MYO16: variants seen among roughly 807,000 people sequenced by gnomAD.
MYO16 encodes unconventional myosin-XVI.
In MYO16, 94 loss-of-function variants were observed where a neutral mutation model predicts 205.3. The observed-to-expected ratio is 0.46, with a 90% CI of 0.39 to 0.54. The LOEUF is 0.54. Ranked by LOEUF, MYO16 falls within the 20% of genes least tolerant of loss-of-function variation. The pLI is 0.00. For synonymous variants in MYO16, 988 were observed against 954.0 expected, an observed-to-expected ratio of 1.04 and a Z score of -0.66; for missense variants, 2,315 against 2,387.5, an observed-to-expected ratio of 0.97 and a Z score of 0.63.
intron 1 of MYO16, among the ~76,000 whole-genome samples, chr13:108,650,090 G>A (rs1880931998): frequency 6.6e-6 from 1 of 151,834 alleles, no homozygotes; most frequent in Non-Finnish European, 1.5e-5. Context: ...TACTGAAAAT[G>A]TTTTATATCA....
chr13:108,706,298 A>T (rs191035085), intron 2 of MYO16, among the ~76,000 whole-genome samples: 27 of 152,298 alleles, frequency 1.8e-4, no homozygotes, highest in East Asian at 1.9e-4. Flanking sequence ...GTGGCAGGGC[A>T]GTAGAAAATA....
At chr13:108,966,694 G>A (rs961964129) in intron 20 of MYO16, among the ~76,000 whole-genome samples, 4 of 152,068 alleles carry the variant, frequency 2.6e-5, no homozygotes, top group Admixed American at 6.5e-5. Context: ...CATTTCTGTC[G>A]TAACTCCCAT....
chr13:109,115,544 A>G (rs1566513420), intron 28 of MYO16, among the ~76,000 whole-genome samples: 1 of 152,196 alleles, frequency 6.6e-6, no homozygotes, highest in Admixed American at 6.5e-5. Context: ...CTAGTGAGAA[A>G]CATTCTTTGA....
the MYO16 span, among the ~76,000 whole-genome samples, chr13:108,559,362 C>T: frequency 2.0e-5 from 3 of 152,156 alleles, no homozygotes; most frequent in African/African-American, 4.8e-5. Flanking sequence ...AGGGCATGCC[C>T]TGCCAACACC....
At chr13:109,037,796 G>A (rs1197097916) in intron 23 of MYO16, among the ~76,000 whole-genome samples, 1 of 152,120 alleles carries the variant, frequency 6.6e-6, no homozygotes, top group Non-Finnish European at 1.5e-5. Flanking sequence ...GGTTATCCAG[G>A]CCCTGGGGCT....
chr13:108,745,019 A>T lies in MYO16; in HGVS notation c.507+17436A>T, dbSNP rs147955830. On this transcript the variant is annotated intron_variant, in intron 4 of 34. Coordinates refer to ENST00000457511, the MANE Select transcript of MYO16 (RefSeq NM_001198950.3). The stretch of plus-strand genomic sequence containing the variant: ...GACAAGCAATAAAGTGTCACTGAAA[A>T]AAATAAATCTGTAAGATTTCTAATT... 2.3e-4 allele frequency among the ~76,000 whole-genome samples: 35 copies of T among 152,346 alleles called. No homozygotes were observed. In the East Asian group the frequency reaches 6.7e-3, roughly 29 times the overall value.
At chr13:109,024,312 A>G (rs572184415) in intron 23 of MYO16, among the ~76,000 whole-genome samples, 1 of 152,044 alleles carries the variant, frequency 6.6e-6, no homozygotes, top group East Asian at 1.9e-4. Flanking sequence ...TACTTTTCCT[A>G]AGGTTTCATG....
intron 20 of MYO16, among the ~76,000 whole-genome samples, chr13:108,973,135 A>G (rs1344698241): frequency 6.6e-6 from 1 of 151,988 alleles, no homozygotes; most frequent in Non-Finnish European, 1.5e-5. Context: ...TTCCCATTCC[A>G]GTATCTGTCT....
chr13:108,932,962 G>C (rs148991757), intron 16 of MYO16, among the ~76,000 whole-genome samples: 68 of 152,036 alleles, frequency 4.5e-4, no homozygotes, highest in South Asian at 8.3e-4. Flanking sequence ...TGAATTCCAC[G>C]GTAGAGATAC....
intron 3 of MYO16, among the ~76,000 whole-genome samples, chr13:108,718,692 TA>T (rs1884044415): frequency 6.6e-6 from 1 of 152,054 alleles, no homozygotes; most frequent in African/African-American, 2.4e-5. Context: ...ACTCTTCACA[TA>T]ACCCCAGGGG....
intron 11 of MYO16, among the ~76,000 whole-genome samples, chr13:108,860,181 T>C (rs557844986): frequency 6.8e-6 from 1 of 146,360 alleles, no homozygotes; most frequent in East Asian, 3.0e-4. Flanking sequence ...CTTGGCCAAG[T>C]AGGCCCTGGT....
chr13:108,654,426 G>C (rs1158522793), intron 1 of MYO16, among the ~76,000 whole-genome samples: 2 of 152,140 alleles, frequency 1.3e-5, no homozygotes, highest in African/African-American at 4.8e-5. Flanking sequence ...AGTGCCTTTT[G>C]CCTTCCGCCA....
chr13:108,677,338 T>TATATATATATGC (rs1566544859), intron 2 of MYO16, among the ~76,000 whole-genome samples: 3 of 86,864 alleles, frequency 3.5e-5, no homozygotes, highest in East Asian at 4.7e-4. Flanking sequence ...TGTGTGTGTA[T>TATATATATATGC]ATATATATAT....
At chr13:108,597,420 T>G (rs1197463575) in intron 1 of MYO16, among the ~76,000 whole-genome samples, 1 of 152,190 alleles carries the variant, frequency 6.6e-6, no homozygotes, top group East Asian at 1.9e-4. Context: ...TCTGAAATTT[T>G]TTTTAGATGT....
At chr13:108,718,815 T>G (rs1174135013) in intron 3 of MYO16, among the ~76,000 whole-genome samples, 1 of 152,142 alleles carries the variant, frequency 6.6e-6, no homozygotes, top group African/African-American at 2.4e-5. Flanking sequence ...GTTCAGAATT[T>G]TAGATCATTA....
At chr13:108,752,808 A>ATCTTTTTTTTTT (rs751233713) in intron 4 of MYO16, among the ~76,000 whole-genome samples, 2 of 90,588 alleles carry the variant, frequency 2.2e-5, no homozygotes. Flanking sequence ...TGCCCAGCTA[A>ATCTTTTTTTTTT]TTTTTTTTTT....
At chr13:109,145,735 G>A (rs1877300380) in intron 32 of MYO16, among the ~76,000 whole-genome samples, 1 of 152,174 alleles carries the variant, frequency 6.6e-6, no homozygotes, top group Non-Finnish European at 1.5e-5. Context: ...GGCTCCTTTA[G>A]GCCACTAGGG....
chr13:109,169,787 A>G (rs75897891), intron 33 of MYO16, among the ~76,000 whole-genome samples: 18,168 of 152,260 alleles, frequency 0.12, 1,337 homozygotes, highest in East Asian at 0.26. Context: ...TCTAAGGATT[A>G]AATAACTCCA....
intron 32 of MYO16, among the ~76,000 whole-genome samples, chr13:109,142,791 G>A (rs1877162175): frequency 6.6e-6 from 1 of 152,068 alleles, no homozygotes; most frequent in South Asian, 2.1e-4. Flanking sequence ...GAAACCTCTA[G>A]GGGGTATTTG....
Sources: allele counts gnomAD v4.1 joint callset (sites outside exome capture counted in the v4.1 genomes callset), GRCh38; gene constraint gnomAD v4.1.1; transcripts MANE v1.5; gene names NCBI Gene and HGNC (gene_info 2026-07-23, HGNC 2026-07-21).